IPPK: variants seen among roughly 807,000 people sequenced by gnomAD.
IPPK encodes IPK1 homolog.
A neutral mutation model predicts 64.6 loss-of-function variants in IPPK; 22 were observed. The ratio of observed to expected loss-of-function variants is 0.34; its 90% CI spans 0.24 to 0.49. The LOEUF (loss-of-function observed/expected upper bound fraction) is 0.49. Among genes scored for constraint, IPPK ranks in the 20% least tolerant of loss-of-function variants. IPPK has a pLI of 0.99. For synonymous variants in IPPK, 262 were observed against 247.2 expected, an observed-to-expected ratio of 1.06 and a Z score of -0.56; for missense variants, 532 against 630.7, an observed-to-expected ratio of 0.84 and a Z score of 1.68.
At chr9:92,667,256 C>T (rs907143080) in intron 1 of IPPK, among the ~76,000 whole-genome samples, 3 of 152,224 alleles carry the variant, frequency 2.0e-5, no homozygotes, top group African/African-American at 7.2e-5. Flanking sequence ...CTCCCACACC[C>T]GGCTGGAAGG....
chr9:92,659,217 T>C (rs569153988), intron 1 of IPPK, among the ~76,000 whole-genome samples: 15 of 152,176 alleles, frequency 9.9e-5, no homozygotes, highest in Non-Finnish European at 2.1e-4. Context: ...ACTGACCCCT[T>C]GTGCCCACCC....
chr9:92,643,612 G>A (rs1852094210), intron 6 of IPPK, among the ~76,000 whole-genome samples: 1 of 150,296 alleles, frequency 6.7e-6, no homozygotes, highest in Non-Finnish European at 1.5e-5. Flanking sequence ...AAAAGCTTAT[G>A]TGCAAATATC....
chr9:92,650,768 G>A (rs1326759976), intron 4 of IPPK, among the ~76,000 whole-genome samples: 1 of 152,090 alleles, frequency 6.6e-6, no homozygotes. Context: ...CTTAGCCCAG[G>A]AACTTGAAGA....
At chr9:92,618,250 C>T (rs905612547) in intron 12 of IPPK, 21 of 456,592 alleles carry the variant, frequency 4.6e-5, no homozygotes, top group Non-Finnish European at 2.2e-5. Flanking sequence ...CCAGTGCCTA[C>T]ACCCTAGGTC....
At position 92,635,411 on chromosome 9, in the gene IPPK, A is replaced by G. The variant is rs1851923170; in HGVS notation, c.917-103T>C. Reference sequence around the variant, plus strand: ...CGCAGGGCTCATCCTGGGCTCCGCCATACGGGCATCACCACAGGCAAGGAC... The same window carrying G: ...CGCAGGGCTCATCCTGGGCTCCGCCGTACGGGCATCACCACAGGCAAGGAC... On this transcript the variant is annotated intron_variant, in intron 9 of 12. Transcript: ENST00000287996. The surrounding 1 kb of genome is among the most constrained non-coding windows in gnomAD (Gnocchi z 4.4). 1 of 1,264,676 alleles carries G rather than the reference A, an allele frequency of 7.9e-7. No individual in the cohort carries two copies. The highest frequency in any genetic ancestry group is 1.1e-6 in the Non-Finnish European group (1 of 913,954). The allele number at this position is 1,264,676 out of a possible 1,614,324, so 78.3% of individuals were successfully genotyped here.
chr9:92,660,308 A>G (rs1489309008), intron 1 of IPPK, among the ~76,000 whole-genome samples: 1 of 152,146 alleles, frequency 6.6e-6, no homozygotes, highest in Non-Finnish European at 1.5e-5. Context: ...ATGCTTGAAA[A>G]TCAACACAAT....
intron 1 of IPPK, among the ~76,000 whole-genome samples, chr9:92,661,372 G>C (rs1231764607): frequency 2.6e-5 from 4 of 152,198 alleles, no homozygotes; most frequent in Non-Finnish European, 5.9e-5. Flanking sequence ...CGTCTTTCTG[G>C]TGGCCAGGCT....
At chr9:92,641,585 C>T (rs1852047261) in intron 7 of IPPK, among the ~76,000 whole-genome samples, 2 of 152,374 alleles carry the variant, frequency 1.3e-5, no homozygotes, top group South Asian at 4.1e-4. Flanking sequence ...AGGGCACCGC[C>T]AGACTCGCTG....
chr9:92,637,670 G>C (rs1412697055), intron 9 of IPPK, among the ~76,000 whole-genome samples: 1 of 152,166 alleles, frequency 6.6e-6, no homozygotes, highest in East Asian at 1.9e-4. Flanking sequence ...CCTGTCCCCC[G>C]GGTTGCAATG....
chr9:92,653,721 C>T (rs539097196), intron 3 of IPPK, among the ~76,000 whole-genome samples: 65 of 152,206 alleles, frequency 4.3e-4, no homozygotes, highest in African/African-American at 1.5e-3. Flanking sequence ...TGGTGGCGCA[C>T]GCCTGTAGTC....
chr9:92,667,508 C>T (rs1307249057), intron 1 of IPPK, among the ~76,000 whole-genome samples: 1 of 152,210 alleles, frequency 6.6e-6, no homozygotes, highest in Non-Finnish European at 1.5e-5. Flanking sequence ...CTGACCTTAA[C>T]TTGATGGGAA....
rs149465891 is a variant in IPPK at position 92,615,878 on chromosome 9, C to G, written c.1430G>C (p.Arg477Pro). ...TGTGCAATCTTCGCTTTCCTTGAACCGAGTCGACATCACGGCGTTGTCTTT... is the reference window on the plus strand; with the variant it reads ...TGTGCAATCTTCGCTTTCCTTGAACGGAGTCGACATCACGGCGTTGTCTTT... The part of the protein sequence containing the change: ...RAKDNAVMST[R>P]FKESEDCTLV... The change falls in exon 13 of 13, where the codon CGG becomes CCG. Residue 477 changes from arginine (R) to proline (P), a missense_variant. Arg to Pro is a moderately radical substitution (Grantham distance 103). Transcript: ENST00000287996. The G allele has an allele frequency of 6.2e-7, 1 of 1,614,120 alleles. No homozygotes were observed. Among genetic ancestry groups the G allele is most frequent in the South Asian group, 1.1e-5 (1 of 91,070 alleles).
chr9:92,617,187 AG>A (rs1247694583), intron 12 of IPPK: 2 of 152,240 alleles, frequency 1.3e-5, no homozygotes, highest in African/African-American at 4.8e-5. Flanking sequence ...GCTCATCCCA[AG>A]GGGCCACATT....
intron 11 of IPPK, 90 bp from the exon 12 acceptor site, chr9:92,619,655 C>A: frequency 8.7e-7 from 1 of 1,148,828 alleles, no homozygotes; most frequent in Non-Finnish European, 1.3e-6. Context: ...AGTGTGGGAA[C>A]TGCTTCCTGC....
intron 12 of IPPK, chr9:92,618,227 G>A (rs1851505634): frequency 4.4e-6 from 2 of 456,530 alleles, no homozygotes; most frequent in African/African-American, 2.0e-5. Context: ...AGAGTGCTTT[G>A]TGCAGGATGG....
chr9:92,651,733 G>A (rs960709568), intron 4 of IPPK, among the ~76,000 whole-genome samples: 44 of 152,176 alleles, frequency 2.9e-4, no homozygotes, highest in African/African-American at 9.7e-4. Context: ...TCGTTTGTTT[G>A]AGACGGAGTC....
intron 11 of IPPK, among the ~76,000 whole-genome samples, chr9:92,629,464 A>G (rs982983501): frequency 1.3e-5 from 2 of 152,120 alleles, no homozygotes; most frequent in African/African-American, 2.4e-5. Flanking sequence ...AAAAGTAGGC[A>G]AAGGGGGCTG....
chr9:92,618,192 T>C, intron 12 of IPPK: 1 of 456,064 alleles, frequency 2.2e-6, no homozygotes, highest in South Asian at 1.5e-5. Flanking sequence ...TGAGATCCTC[T>C]CCTTTTGTTG....
At position 92,658,642 on chromosome 9, in the gene IPPK, T is replaced by C. The variant is rs761518036; in HGVS notation, c.121A>G (p.Arg41Gly). The C allele has an allele frequency of 6.9e-5, 112 of 1,613,676 alleles. No individual in the cohort carries two copies. Among genetic ancestry groups the C allele is most frequent in the Non-Finnish European group, 9.1e-5 (107 of 1,179,672 alleles). ...VLRFLKFPPN[R>G]KKTSEEIFQH... ...AAACCCACCCATCTTACCTTCTTCC[T>C]ATTTGGAGGAAACTTCAGAAACCGC... Residue 41 changes from arginine (R) to glycine (G), a missense_variant, in exon 2 of 13, where the codon AGG (arginine) becomes GGG (glycine). By Grantham distance (125) the Arg-to-Gly change is moderately radical. Transcript: ENST00000287996.
Sources: gnomAD v4.1 joint callset for allele counts (sites outside exome capture counted in the v4.1 genomes callset) on GRCh38, gnomAD v4.1.1 for gene constraint, Gnocchi (gnomAD v3.1) non-coding constraint, MANE v1.5 for transcripts, NCBI Gene and HGNC (gene_info 2026-07-23, HGNC 2026-07-21) for gene names.